The following NEDD4L variants were observed in gnomAD, a reference collection of about 807,000 sequenced individuals.
NEDD4L encodes the protein E3 ubiquitin-protein ligase NEDD4-like.
NEDD4L carries 54 observed loss-of-function variants against 148.9 expected under a neutral mutation model. The observed-to-expected ratio is 0.36, with a 90% CI of 0.29 to 0.45. NEDD4L has a LOEUF of 0.45. Among genes scored for constraint, NEDD4L ranks in the 20% least tolerant of loss-of-function variants. The probability of loss-of-function intolerance (pLI) is 1.00; values close to 1 mark genes in which losing one functional copy is unlikely to be tolerated. For synonymous variants in NEDD4L, 433 were observed against 440.7 expected, an observed-to-expected ratio of 0.98 and a Z score of 0.22; for missense variants, 856 against 1,233.8, an observed-to-expected ratio of 0.69 and a Z score of 4.59.
chr18:58,248,204 T>A (rs2047508050), intron 3 of NEDD4L, among the ~76,000 whole-genome samples: 1 of 152,214 alleles, frequency 6.6e-6, no homozygotes. Flanking sequence ...CCTCTTAGTT[T>A]TGGGGGATAT....
chr18:58,306,195 C>G (rs2057036951), intron 5 of NEDD4L, among the ~76,000 whole-genome samples: 1 of 151,952 alleles, frequency 6.6e-6, no homozygotes, highest in Admixed American at 6.5e-5. Context: ...CTAGAATTGT[C>G]CATGTCCAAG....
intron 1 of NEDD4L, among the ~76,000 whole-genome samples, chr18:58,074,143 A>C (rs1174689871): frequency 2.0e-5 from 3 of 152,200 alleles, no homozygotes; most frequent in African/African-American, 7.2e-5. Flanking sequence ...CTGTAGGGCC[A>C]CACTCATCTA....
rs927569105 is a variant in NEDD4L, at chr18:58,398,955, C to G, written c.*2686C>G. The G allele has an allele frequency of 6.6e-6, 1 of 152,236 alleles. No individual in the cohort carries two copies. Among genetic ancestry groups the G allele is most frequent in the East Asian group, 1.9e-4 (1 of 5,200 alleles). The allele number at this position is 152,236 out of a possible 1,614,324, so 9.4% of individuals were successfully genotyped here. A position where few individuals can be genotyped will look rare whatever the true frequency, so the allele number is the denominator to read the frequency against. ...CCAGCAGTCACACTGCTCTGCAGGC[C>G]GGGCTCTCTTTATAGCCAGAGAAAT... is the stretch of plus-strand genomic sequence containing the variant. On this transcript the variant is annotated 3_prime_UTR_variant, in exon 31 of 31. Coordinates refer to ENST00000400345, the MANE Select transcript of NEDD4L (RefSeq NM_001144967.3).
chr18:58,058,590 A>G (rs2082191143), intron 1 of NEDD4L, among the ~76,000 whole-genome samples: 1 of 152,198 alleles, frequency 6.6e-6, no homozygotes, highest in South Asian at 2.1e-4. Context: ...ACAGAGAAAG[A>G]ATTAACTGAA....
intron 2 of NEDD4L, among the ~76,000 whole-genome samples, chr18:58,239,982 A>C (rs2046443086): frequency 6.6e-6 from 1 of 152,174 alleles, no homozygotes; most frequent in Non-Finnish European, 1.5e-5. Context: ...GCAAAATCCG[A>C]GTGGATTTTT....
chr18:58,373,252 G>A lies in NEDD4L; in HGVS notation c.2335G>A (p.Glu779Lys). Reference sequence around the variant, plus strand: ...GCTGGACCTCATGTTCTGCATAGACGAAGAAAACTTTGGACAGGTACATGT... The same window carrying A: ...GCTGGACCTCATGTTCTGCATAGACAAAGAAAACTTTGGACAGGTACATGT... The part of the protein sequence containing the change: ...TELDLMFCID[E>K]ENFGQTYQVD... Residue 779 changes from glutamate (E) to lysine (K), a missense_variant, in exon 24 of 31, where the codon GAA becomes AAA. Transcript: ENST00000400345. 3 of 1,577,272 alleles carry A rather than the reference G, an allele frequency of 1.9e-6. No individual in the cohort carries two copies. The highest frequency in any genetic ancestry group is 2.6e-6 in the Non-Finnish European group (3 of 1,158,210).
At position 58,237,655 on chromosome 18, in the gene NEDD4L, T is replaced by G. The variant is rs542015002; in HGVS notation, c.123-7772T>G. ...TTAAACATTTTTATTAGTCACCACA[T>G]ATTAATAAAATATTTTTATTAGCAC... On this transcript the variant is annotated intron_variant, in intron 2 of 30. Transcript: ENST00000400345. Among the ~76,000 whole-genome samples the G allele has an allele frequency of 3.3e-5, 5 of 152,370 alleles. No individual in the cohort carries two copies. In the East Asian group the frequency reaches 9.6e-4, roughly 29 times the overall value.
intron 2 of NEDD4L, among the ~76,000 whole-genome samples, chr18:58,214,800 ATTTTT>A (rs60043101): frequency 6.5e-5 from 8 of 123,356 alleles, no homozygotes; most frequent in African/African-American, 2.1e-4. Context: ...TCTTTCTTTC[ATTTTT>A]TTTTTTTTTT....
At chr18:58,214,805 T>TC (rs2042989076) in intron 2 of NEDD4L, among the ~76,000 whole-genome samples, 1 of 132,000 alleles carries the variant, frequency 7.6e-6, no homozygotes, top group Non-Finnish European at 1.5e-5. Context: ...CTTTCATTTT[T>TC]TTTTTTTTTT....
At chr18:58,383,757 AATTCAGCATGTGC>A (rs2068376040) in intron 25 of NEDD4L, among the ~76,000 whole-genome samples, 2 of 152,234 alleles carry the variant, frequency 1.3e-5, no homozygotes, top group South Asian at 4.1e-4. Context: ...GGATAGGAAG[AATTCAGCATGTGC>A]AACCCTAAGG....
chr18:58,221,505 A>C (rs1160101324), intron 2 of NEDD4L: 2 of 976,990 alleles, frequency 2.0e-6, no homozygotes, highest in East Asian at 2.3e-4. Flanking sequence ...ACCAACAAGC[A>C]TTTCTTTCTA....
At chr18:58,336,532 G>A (rs879688630) in intron 13 of NEDD4L, among the ~76,000 whole-genome samples, 2 of 151,306 alleles carry the variant, frequency 1.3e-5, no homozygotes, top group Non-Finnish European at 2.9e-5. Flanking sequence ...AGCTGAGATC[G>A]CACCACTGCT....
intron 11 of NEDD4L, among the ~76,000 whole-genome samples, chr18:58,333,094 T>C (rs2041221116): frequency 6.6e-6 from 1 of 151,894 alleles, no homozygotes; most frequent in Admixed American, 6.6e-5. Flanking sequence ...CTGACCAATA[T>C]GGTGAAACCC....
chr18:58,267,981 T>A (rs372177422), intron 5 of NEDD4L, among the ~76,000 whole-genome samples: 11 of 152,130 alleles, frequency 7.2e-5, no homozygotes, highest in South Asian at 6.2e-4. Flanking sequence ...TTTTTGCCCC[T>A]ACTGTGGGGG....
chr18:58,357,174 T>G lies in NEDD4L; in HGVS notation c.1709-20T>G. The G allele has an allele frequency of 6.3e-7, 1 of 1,595,464 alleles. No individual in the cohort carries two copies. Among genetic ancestry groups the G allele is most frequent in the Non-Finnish European group, 8.6e-7 (1 of 1,169,398 alleles). On this transcript the variant is annotated intron_variant, in intron 18 of 30. Transcript: ENST00000400345. ...TGAACTAATGTTCTGATTTTTTTTTTTTTTTTTTAACATTTTCAGATAGCA... is the reference window on the plus strand; with the variant it reads ...TGAACTAATGTTCTGATTTTTTTTTGTTTTTTTTAACATTTTCAGATAGCA...
chr18:58,337,846 C>T (rs192559056), intron 13 of NEDD4L, among the ~76,000 whole-genome samples: 4 of 152,290 alleles, frequency 2.6e-5, no homozygotes, highest in East Asian at 1.9e-4. Context: ...CCCTGATTCT[C>T]AGCCAAGAAA....
chr18:58,279,260 G>A (rs1182340228), intron 5 of NEDD4L, among the ~76,000 whole-genome samples: 1 of 152,168 alleles, frequency 6.6e-6, no homozygotes, highest in Admixed American at 6.5e-5. Flanking sequence ...CCAGTCTAGT[G>A]AGAGAGGCAG....
At chr18:58,270,381 C>T (rs2050864333) in intron 5 of NEDD4L, among the ~76,000 whole-genome samples, 1 of 152,244 alleles carries the variant, frequency 6.6e-6, no homozygotes, top group South Asian at 2.1e-4. Context: ...AAACCACCAG[C>T]TCCCCCAGCA....
chr18:58,266,830 T>C (rs1441023453), intron 5 of NEDD4L, among the ~76,000 whole-genome samples: 1 of 152,148 alleles, frequency 6.6e-6, no homozygotes, highest in Non-Finnish European at 1.5e-5. Context: ...TCTTGTGTTT[T>C]GAAGTGTTGG....
Sources: gnomAD v4.1 joint callset for allele counts (sites outside exome capture counted in the v4.1 genomes callset) on GRCh38, gnomAD v4.1.1 for gene constraint, MANE v1.5 for transcripts, NCBI Gene and HGNC (gene_info 2026-07-23, HGNC 2026-07-21) for gene names.